CLSTN2: variants seen among roughly 807,000 people sequenced by gnomAD.
The protein encoded by CLSTN2 is calsyntenin 2.
In CLSTN2, 48 loss-of-function variants were observed where a neutral mutation model predicts 101.2. That is an observed-to-expected ratio of 0.47 (90% CI 0.38 to 0.60). The LOEUF (loss-of-function observed/expected upper bound fraction) is 0.60. Among genes scored for constraint, CLSTN2 ranks in the 20% least tolerant of loss-of-function variants. CLSTN2 has a pLI of 0.00. For missense variants in CLSTN2, 1,160 were observed against 1,238.2 expected, an observed-to-expected ratio of 0.94 and a Z score of 0.95; for synonymous variants, 481 against 463.6, an observed-to-expected ratio of 1.04 and a Z score of -0.48.
intron 2 of CLSTN2, among the ~76,000 whole-genome samples, chr3:140,329,247 G>C (rs2087359407): frequency 6.6e-6 from 1 of 152,138 alleles, no homozygotes; most frequent in Non-Finnish European, 1.5e-5. Context: ...AAGTTAGCTG[G>C]GCATGGTGGC....
chr3:139,950,398 G>GGT (rs1935276322), intron 1 of CLSTN2, among the ~76,000 whole-genome samples: 1 of 152,140 alleles, frequency 6.6e-6, no homozygotes, highest in African/African-American at 2.4e-5. Context: ...TTCTTCTAGG[G>GGT]GTAGAGGTTT....
intron 2 of CLSTN2, among the ~76,000 whole-genome samples, chr3:140,280,400 A>T (rs1020301633): frequency 1.4e-4 from 21 of 152,248 alleles, no homozygotes; most frequent in Admixed American, 1.0e-3. Flanking sequence ...ATTGAAATAG[A>T]CATAAAATTA....
At chr3:140,130,275 A>G (rs1292147510) in intron 1 of CLSTN2, among the ~76,000 whole-genome samples, 1 of 152,206 alleles carries the variant, frequency 6.6e-6, no homozygotes, top group African/African-American at 2.4e-5. Context: ...TAGCAAACTC[A>G]GTGGTGGCAA....
At chr3:140,104,184 T>A (rs565856554) in intron 1 of CLSTN2, among the ~76,000 whole-genome samples, 1 of 152,210 alleles carries the variant, frequency 6.6e-6, no homozygotes, top group South Asian at 2.1e-4. Context: ...TAATAAAGAT[T>A]GAGTTGCACC....
chr3:140,181,168 G>A (rs1412478914), intron 2 of CLSTN2, among the ~76,000 whole-genome samples: 1 of 152,196 alleles, frequency 6.6e-6, no homozygotes, highest in African/African-American at 2.4e-5. Context: ...ACTACTCTGA[G>A]GGACAGTTTC....
chr3:140,008,094 G>A (rs2006992431), intron 1 of CLSTN2, among the ~76,000 whole-genome samples: 1 of 152,220 alleles, frequency 6.6e-6, no homozygotes, highest in South Asian at 2.1e-4. Flanking sequence ...AGCTGCAGGA[G>A]TTCATATTCC....
At chr3:140,272,894 G>C (rs577269081) in intron 2 of CLSTN2, among the ~76,000 whole-genome samples, 1 of 151,812 alleles carries the variant, frequency 6.6e-6, no homozygotes, top group South Asian at 2.1e-4. Flanking sequence ...TTCAGTCCTG[G>C]CTTAGTTTTG....
At chr3:140,135,629 A>G (rs2082411051) in intron 1 of CLSTN2, among the ~76,000 whole-genome samples, 2 of 152,192 alleles carry the variant, frequency 1.3e-5, no homozygotes, top group Non-Finnish European at 2.9e-5. Flanking sequence ...TGCCTTTCAT[A>G]TGCTGAGAGA....
chr3:140,461,060 A>G (rs184858794), intron 7 of CLSTN2: 4 of 152,298 alleles, frequency 2.6e-5, no homozygotes. Flanking sequence ...GTGTTCCAGT[A>G]ATTTATTTGA....
chr3:140,186,072 T>C (rs1157110363), intron 2 of CLSTN2, among the ~76,000 whole-genome samples: 1 of 151,678 alleles, frequency 6.6e-6, no homozygotes, highest in African/African-American at 2.4e-5. Flanking sequence ...TGAAGAAGAG[T>C]GAAAGACCCA....
At chr3:140,223,261 G>A (rs766373371) in intron 2 of CLSTN2, among the ~76,000 whole-genome samples, 1 of 152,214 alleles carries the variant, frequency 6.6e-6, no homozygotes. Flanking sequence ...GGAAAAGTTT[G>A]TTATGATTGT....
intron 2 of CLSTN2, among the ~76,000 whole-genome samples, chr3:140,234,575 A>G (rs913856136): frequency 2.0e-5 from 3 of 152,180 alleles, no homozygotes; most frequent in Non-Finnish European, 4.4e-5. Context: ...AATATATTTC[A>G]GCTGTTGTGG....
chr3:140,017,660 T>C (rs13080273), intron 1 of CLSTN2, among the ~76,000 whole-genome samples: 76,403 of 152,062 alleles, frequency 0.5, 20,670 homozygotes, highest in Middle Eastern at 0.66. Flanking sequence ...CATCAGCCTT[T>C]GGATGGTTGG....
chr3:140,260,528 TA>T (rs1333683233), intron 2 of CLSTN2, among the ~76,000 whole-genome samples: 1 of 152,140 alleles, frequency 6.6e-6, no homozygotes, highest in African/African-American at 2.4e-5. Context: ...TATGGTAAAT[TA>T]CATTGATTTA....
Position 140,556,635 on chromosome 3 carries a change from G to A in CLSTN2, c.1797G>A (p.Arg599=). The A allele has an allele frequency of 6.2e-7, 1 of 1,614,020 alleles. No individual in the cohort carries two copies. The highest frequency in any genetic ancestry group is 1.1e-5 in the South Asian group (1 of 91,074). Residue 599 remains arginine (R), a synonymous_variant, in exon 11 of 17, where the codon CGG becomes CGA. Transcript: ENST00000458420. ...GGCAGTTCCCAACGGCGGGTGTGCG[G>A]CGCCTCAAAGTATCCTCCAAAGTCC... ...NSRQFPTAGV[R]RLKVSSKVQC...
rs191808564 is a variant in CLSTN2 at position 140,410,618 on chromosome 3, A to G, written c.637+5852A>G. ...TGTTAATACAAAATCATATGAAGGT[A>G]TGAAACTCACAGGTAAAAATCAGTA... On this transcript the variant is annotated intron_variant, in intron 4 of 16. Coordinates refer to ENST00000458420, the MANE Select transcript of CLSTN2 (RefSeq NM_022131.3). Among the ~76,000 whole-genome samples the G allele has an allele frequency of 2.0e-5, 3 of 152,312 alleles. No individual in the cohort carries two copies. In the East Asian group the frequency reaches 5.8e-4, roughly 29 times the overall value.
chr3:140,287,957 G>A (rs1238989141), intron 2 of CLSTN2, among the ~76,000 whole-genome samples: 1 of 152,150 alleles, frequency 6.6e-6, no homozygotes, highest in Non-Finnish European at 1.5e-5. Flanking sequence ...AGAAGACTAA[G>A]TTGCTCATCT....
chr3:140,088,421 G>C (rs1216583390), intron 1 of CLSTN2, among the ~76,000 whole-genome samples: 2 of 152,174 alleles, frequency 1.3e-5, no homozygotes, highest in African/African-American at 4.8e-5. Flanking sequence ...ATAACTTGTT[G>C]AGGGAGGAAT....
intron 1 of CLSTN2, among the ~76,000 whole-genome samples, chr3:139,945,679 G>T (rs1160672832): frequency 6.6e-6 from 1 of 152,162 alleles, no homozygotes; most frequent in Non-Finnish European, 1.5e-5. Flanking sequence ...TCAAGTTGAT[G>T]TGTTGTTTTC....
Sources: allele counts gnomAD v4.1 joint callset (sites outside exome capture counted in the v4.1 genomes callset), GRCh38; gene constraint gnomAD v4.1.1; transcripts MANE v1.5; gene names NCBI Gene and HGNC (gene_info 2026-07-23, HGNC 2026-07-21).